ATG4B: variants seen among roughly 807,000 people sequenced by gnomAD.
The protein encoded by ATG4B is autophagy related 4B cysteine peptidase.
A neutral mutation model predicts 56.6 loss-of-function variants in ATG4B; 29 were observed. That is an observed-to-expected ratio of 0.51 (90% CI 0.38 to 0.70). ATG4B has a LOEUF of 0.70. Among genes scored for constraint, ATG4B ranks in the 30% least tolerant of loss-of-function variants. The pLI is 0.00. For synonymous variants in ATG4B, 224 were observed against 206.1 expected (o/e 1.09, Z -0.74); for missense variants, 461 against 515.5 (o/e 0.89, Z 1.02).
intron 6 of ATG4B, among the ~76,000 whole-genome samples, chr2:241,658,573 A>G (rs1456496337): frequency 6.6e-6 from 1 of 152,226 alleles, no homozygotes; most frequent in Non-Finnish European, 1.5e-5. Context: ...TTTTGGCTGC[A>G]GAATCTGCCC....
Position 241,668,160 on chromosome 2 carries a change from C to T in ATG4B, c.750C>T (p.Pro250=), listed in dbSNP as rs1288689455. The T allele has an allele frequency of 3.1e-6, 5 of 1,604,370 alleles. No individual in the cohort carries two copies. The highest frequency in any genetic ancestry group is 4.5e-5 in the East Asian group (2 of 44,238). The change falls in exon 9 of 13, where the codon CCC becomes CCT. Residue 250 remains proline (P), a synonymous_variant. Transcript: ENST00000404914. This position sits in a 1 kb window ranked among gnomAD's most constrained non-coding sequence, Gnocchi z 4.2. ...VETLKHCFMM[P]QSLGVIGGKP... is the part of the protein sequence containing the mutation. ...CTCCACAGCACTGCTTCATGATGCCCCAGTCCCTGGGCGTCATCGGAGGGA... is the reference window on the plus strand; with the variant it reads ...CTCCACAGCACTGCTTCATGATGCCTCAGTCCCTGGGCGTCATCGGAGGGA...
chr2:241,670,893 C>G, intron 11 of ATG4B, 111 bp downstream of exon 11: 1 of 1,163,966 alleles, frequency 8.6e-7, no homozygotes, highest in South Asian at 1.3e-5. Flanking sequence ...CTCACTGGGC[C>G]GTGGGGAGCT....
chr2:241,659,622 G>C, intron 7 of ATG4B: 2 of 329,494 alleles, frequency 6.1e-6, no homozygotes, highest in Non-Finnish European at 1.2e-5. Flanking sequence ...CTGGAAGAAA[G>C]GTCTGCTGCA....
Position 241,655,325 on chromosome 2 carries a change from C to T in ATG4B, c.440C>T (p.Thr147Ile). ...KSIGQWYGPN[T>I]VAQVLKKLAV... ...ATAGGCCAGTGGTACGGGCCCAACACTGTCGCCCAGGTCCTGAAGTATGTA... is the reference window on the plus strand; with the variant it reads ...ATAGGCCAGTGGTACGGGCCCAACATTGTCGCCCAGGTCCTGAAGTATGTA... Residue 147 changes from threonine (T) to isoleucine (I), a missense_variant, in exon 6 of 13, where the codon ACT becomes ATT. Transcript: ENST00000404914. 6.2e-7 allele frequency: 1 copy of T among 1,610,922 alleles called. No homozygotes were observed. The highest frequency in any genetic ancestry group is 8.5e-7 in the Non-Finnish European group (1 of 1,178,534).
chr2:241,639,311 T>C (rs1341574509), intron 1 of ATG4B, among the ~76,000 whole-genome samples: 1 of 152,190 alleles, frequency 6.6e-6, no homozygotes, highest in Non-Finnish European at 1.5e-5. Context: ...CAGGGGTGCT[T>C]ACAACCCTGA....
At chr2:241,653,364 T>C (rs1400613753) in intron 3 of ATG4B, 148 bp from the exon 4 acceptor site, 1 of 1,550,398 alleles carries the variant, frequency 6.4e-7, no homozygotes, top group Admixed American at 2.0e-5. Flanking sequence ...TACTGAGTCC[T>C]AAGAGGTGTG....
chr2:241,647,970 C>T (rs1429864866), intron 1 of ATG4B, among the ~76,000 whole-genome samples: 5 of 152,002 alleles, frequency 3.3e-5, no homozygotes, highest in South Asian at 2.1e-4. Context: ...AAAAATTAGC[C>T]GGGCATGGTG....
Position 241,666,807 on chromosome 2 carries a change from A to T in ATG4B, c.701A>T (p.Asp234Val). Residue 234 changes from aspartate to valine, a missense_variant, in exon 8 of 13, where the codon GAC (aspartate) becomes GTC (valine). By Grantham distance (152) the Asp-to-Val change is radical. Coordinates refer to ENST00000404914, the MANE Select transcript of ATG4B (RefSeq NM_013325.5). ...ATTCCCCTGCGCCTGGGGCTCACGG[A>T]CATCAACGAGGCCTACGTGGAGACG... ...LLIPLRLGLT[D>V]INEAYVETLK... 1 of 1,574,984 alleles carries T rather than the reference A, an allele frequency of 6.3e-7. No individual in the cohort carries two copies. Among genetic ancestry groups the T allele is most frequent in the Non-Finnish European group, 8.6e-7 (1 of 1,160,402 alleles).
chr2:241,646,702 G>T (rs1003821337), intron 1 of ATG4B, among the ~76,000 whole-genome samples: 4 of 152,034 alleles, frequency 2.6e-5, no homozygotes, highest in African/African-American at 9.7e-5. Flanking sequence ...CCCAACTGTA[G>T]GCTAATGTAA....
intron 6 of ATG4B, among the ~76,000 whole-genome samples, chr2:241,658,007 C>G (rs993889059): frequency 6.6e-6 from 1 of 152,132 alleles, no homozygotes; most frequent in Non-Finnish European, 1.5e-5. Flanking sequence ...CCATGTCTGC[C>G]CAGGTACCCT....
rs895895346 is a variant in ATG4B at position 241,672,718 on chromosome 2, C to G, written c.*454C>G. 1 of 191,092 alleles carries G rather than the reference C, an allele frequency of 5.2e-6. No individual in the cohort carries two copies. The highest frequency in any genetic ancestry group is 5.4e-5 in the Admixed American group (1 of 18,644). 11.8% of individuals were successfully genotyped at this position (191,092 alleles called of 1,614,324 possible). A position where few individuals can be genotyped will look rare whatever the true frequency, so the allele number is the denominator to read the frequency against. ...CGTGAGAGGAGCGGCAGCCACACTG[C>G]GGCCCCACGCCCAAGGACTGGGCTG... On this transcript the variant is annotated 3_prime_UTR_variant, in exon 13 of 13. Coordinates refer to ENST00000404914, the MANE Select transcript of ATG4B (RefSeq NM_013325.5).
At chr2:241,669,615 C>G (rs2068894187) in intron 10 of ATG4B, among the ~76,000 whole-genome samples, 1 of 152,228 alleles carries the variant, frequency 6.6e-6, no homozygotes, top group South Asian at 2.1e-4. Context: ...TCACGCCATT[C>G]TCCTGCCTCA....
chr2:241,659,321 C>A, intron 7 of ATG4B, 134 bp downstream of exon 7: 1 of 794,478 alleles, frequency 1.3e-6, no homozygotes. Flanking sequence ...CTCCGTGGGG[C>A]CTGTGCGCCA....
intron 6 of ATG4B, among the ~76,000 whole-genome samples, chr2:241,655,719 G>T (rs921008225): frequency 7.9e-5 from 12 of 152,132 alleles, no homozygotes; most frequent in Non-Finnish European, 2.9e-5. Context: ...CTTGCCACCT[G>T]CCTTTCTCAC....
chr2:241,665,275 A>T (rs2068726960), intron 7 of ATG4B, among the ~76,000 whole-genome samples: 1 of 152,218 alleles, frequency 6.6e-6, no homozygotes, highest in African/African-American at 2.4e-5. Flanking sequence ...TTTTATGAGC[A>T]AGCCTCCTAC....
Position 241,672,651 on chromosome 2 carries a change from G to GT in ATG4B, c.*387_*388insT. ...GTCAGACACAGACATGAATTTCTGG[G>GT]CGCTCCCTGAGTCAGAGTCTCAGAA... On this transcript the variant is annotated 3_prime_UTR_variant, in exon 13 of 13. Coordinates refer to ENST00000404914, the MANE Select transcript of ATG4B (RefSeq NM_013325.5). The GT allele has an allele frequency of 3.9e-6, 1 of 254,862 alleles. No individual in the cohort carries two copies. The highest frequency in any genetic ancestry group is 2.2e-5 in the African/African-American group (1 of 45,132). 15.8% of individuals were successfully genotyped at this position (254,862 alleles called of 1,614,324 possible).
chr2:241,665,294 G>T (rs1436707770), intron 7 of ATG4B, among the ~76,000 whole-genome samples: 1 of 152,158 alleles, frequency 6.6e-6, no homozygotes, highest in Non-Finnish European at 1.5e-5. Flanking sequence ...ACGAATGAGA[G>T]TGTTCCTGAG....
At chr2:241,665,330 AGAGGTGACGCCAC>A (rs1161897769) in intron 7 of ATG4B, among the ~76,000 whole-genome samples, 16 of 152,186 alleles carry the variant, frequency 1.1e-4, no homozygotes, top group Admixed American at 1.0e-3. Flanking sequence ...TCACCACAAA[AGAGGTGACGCCAC>A]GACTCACCAG....
intron 6 of ATG4B, among the ~76,000 whole-genome samples, chr2:241,656,737 C>G (rs1575073920): frequency 6.6e-6 from 1 of 152,312 alleles, no homozygotes; most frequent in East Asian, 1.9e-4. Flanking sequence ...GGTGACCTGA[C>G]AGCCAGAGCC....
Sources: gnomAD v4.1 joint callset for allele counts (sites outside exome capture counted in the v4.1 genomes callset) on GRCh38, gnomAD v4.1.1 for gene constraint, Gnocchi (gnomAD v3.1) non-coding constraint, MANE v1.5 for transcripts, NCBI Gene and HGNC (gene_info 2026-07-23, HGNC 2026-07-21) for gene names.